Variants in PEAK1 observed in about 807,000 individuals in gnomAD.
PEAK1 encodes the protein inactive tyrosine-protein kinase PEAK1.
Under a neutral mutation model 124.7 loss-of-function variants are expected in PEAK1, and 54 were observed. The ratio of observed to expected loss-of-function variants is 0.43; its 90% CI spans 0.35 to 0.54. PEAK1 has a LOEUF of 0.54. Among genes scored for constraint, PEAK1 ranks in the 20% least tolerant of loss-of-function variants. PEAK1 has a pLI of 0.01. For synonymous variants in PEAK1, 719 were observed against 760.0 expected, an observed-to-expected ratio of 0.95 and a Z score of 0.89; for missense variants, 2,046 against 2,134.5, an observed-to-expected ratio of 0.96 and a Z score of 0.82.
intron 1 of PEAK1, among the ~76,000 whole-genome samples, chr15:77,372,387 T>C (rs1345806548): frequency 6.6e-6 from 1 of 152,144 alleles, no homozygotes; most frequent in Non-Finnish European, 1.5e-5. Flanking sequence ...TAGCCCTCCA[T>C]AGCCATTAAG....
At chr15:77,315,927 G>C (rs2064843546) in intron 2 of PEAK1, among the ~76,000 whole-genome samples, 1 of 152,036 alleles carries the variant, frequency 6.6e-6, no homozygotes, top group African/African-American at 2.4e-5. Context: ...AAGGAAATCT[G>C]AATAAACTAT....
chr15:77,122,989 T>C (rs939320708), intron 9 of PEAK1, among the ~76,000 whole-genome samples: 2 of 152,148 alleles, frequency 1.3e-5, no homozygotes, highest in African/African-American at 4.8e-5. Flanking sequence ...GAGTCAAAAA[T>C]GCAGTAAAAG....
At chr15:77,343,289 T>C (rs1463622979) in intron 2 of PEAK1, among the ~76,000 whole-genome samples, 1 of 152,190 alleles carries the variant, frequency 6.6e-6, no homozygotes, top group African/African-American at 2.4e-5. Context: ...ATGCCTTTGA[T>C]CATTTTTTAA....
chr15:77,143,604 G>A (rs918067681), intron 8 of PEAK1, among the ~76,000 whole-genome samples: 18 of 152,100 alleles, frequency 1.2e-4, no homozygotes, highest in African/African-American at 4.3e-4. Context: ...CCAATTTTAC[G>A]CTTCCTTTGT....
At chr15:77,314,275 A>C (rs1047090943) in intron 2 of PEAK1, among the ~76,000 whole-genome samples, 2 of 152,134 alleles carry the variant, frequency 1.3e-5, no homozygotes, top group African/African-American at 4.8e-5. Flanking sequence ...TGTTCCAATG[A>C]AAAAAGTAAA....
intron 2 of PEAK1, among the ~76,000 whole-genome samples, chr15:77,316,696 T>A (rs975303798): frequency 6.6e-6 from 1 of 152,220 alleles, no homozygotes; most frequent in East Asian, 1.9e-4. Flanking sequence ...ACGAAATGAA[T>A]GAATACTACA....
At chr15:77,399,028 A>C (rs2071131144) in intron 1 of PEAK1, among the ~76,000 whole-genome samples, 1 of 152,176 alleles carries the variant, frequency 6.6e-6, no homozygotes, top group Admixed American at 6.5e-5. Context: ...AAATAAATAA[A>C]ATACCTAGGA....
At chr15:77,323,704 C>A (rs1421009958) in intron 2 of PEAK1, among the ~76,000 whole-genome samples, 3 of 152,172 alleles carry the variant, frequency 2.0e-5, no homozygotes, top group African/African-American at 7.2e-5. Context: ...AATGGCCATA[C>A]TGCCCAAGGT....
In PEAK1 at chr15:77,175,651, G is replaced by A. The variant is rs1476618006; in HGVS notation, c.3137+3139C>T. 2.6e-5 allele frequency among the ~76,000 whole-genome samples: 4 copies of A among 152,284 alleles called. No individual in the cohort carries two copies. The South Asian group carries it at 8.3e-4, about 32-fold the overall frequency. ...GAAACAGGAACACTTTTACACTGTT[G>A]GTGGGACTGTAAACTAGTTCAACCA... On this transcript the variant is annotated intron_variant, in intron 7 of 9. Transcript: ENST00000682557.
At chr15:77,405,058 T>C (rs1394791230) in intron 1 of PEAK1, among the ~76,000 whole-genome samples, 1 of 151,380 alleles carries the variant, frequency 6.6e-6, no homozygotes, top group African/African-American at 2.4e-5. Flanking sequence ...CAGGCTGGAG[T>C]GCAGTGGTGC....
chr15:77,346,679 T>C, intron 2 of PEAK1: 2 of 983,828 alleles, frequency 2.0e-6, no homozygotes, highest in Non-Finnish European at 2.4e-6. Flanking sequence ...GCAAAAACAT[T>C]AATTGTATCT....
chr15:77,338,386 C>G (rs1182870013), intron 2 of PEAK1, among the ~76,000 whole-genome samples: 2 of 152,134 alleles, frequency 1.3e-5, no homozygotes, highest in East Asian at 1.9e-4. Context: ...CACAGATTAT[C>G]TGATGAAATC....
chr15:77,311,685 C>CAA (rs11296386), intron 2 of PEAK1, among the ~76,000 whole-genome samples: 16,823 of 85,856 alleles, frequency 0.2, 1,016 homozygotes, highest in Non-Finnish European at 0.23. Context: ...CCAACCCCCA[C>CAA]AAAAAAAAAA....
chr15:77,182,756 A>AAAAAAAAAAG (rs2057348192), intron 6 of PEAK1, among the ~76,000 whole-genome samples: 1 of 148,374 alleles, frequency 6.7e-6, no homozygotes, highest in Non-Finnish European at 1.5e-5. Flanking sequence ...TCTCAAAAAA[A>AAAAAAAAAAG]AAAAAAAAAA....
At chr15:77,150,892 T>C (rs1173639104) in intron 8 of PEAK1, among the ~76,000 whole-genome samples, 10 of 152,296 alleles carry the variant, frequency 6.6e-5, no homozygotes, top group Middle Eastern at 3.4e-3. Context: ...TGTGCCACAT[T>C]TTCTTAATCC....
At chr15:77,287,008 G>C (rs2062965062) in intron 2 of PEAK1, among the ~76,000 whole-genome samples, 1 of 152,164 alleles carries the variant, frequency 6.6e-6, no homozygotes, top group South Asian at 2.1e-4. Context: ...TTTTAGTTGA[G>C]TCATGAAACC....
intron 2 of PEAK1, among the ~76,000 whole-genome samples, chr15:77,304,268 G>C (rs1707139220): frequency 1.3e-5 from 2 of 152,212 alleles, no homozygotes; most frequent in South Asian, 4.1e-4. Flanking sequence ...GATCAAATTG[G>C]AAAGAACTGA....
intron 5 of PEAK1, among the ~76,000 whole-genome samples, chr15:77,263,889 C>T (rs1175508811): frequency 6.6e-6 from 1 of 152,154 alleles, no homozygotes; most frequent in African/African-American, 2.4e-5. Context: ...TCCAGCAGCA[C>T]ATCCAAAAGC....
intron 2 of PEAK1, among the ~76,000 whole-genome samples, chr15:77,351,515 TCATTTA>T (rs1311299978): frequency 6.6e-6 from 1 of 152,222 alleles, no homozygotes; most frequent in Non-Finnish European, 1.5e-5. Context: ...CTCATCCTCT[TCATTTA>T]CATAGGGCGT....
Sources: gnomAD v4.1 joint callset for allele counts (sites outside exome capture counted in the v4.1 genomes callset) on GRCh38, gnomAD v4.1.1 for gene constraint, MANE v1.5 for transcripts, NCBI Gene and HGNC (gene_info 2026-07-23, HGNC 2026-07-21) for gene names.